MAS1: variants seen among roughly 807,000 people sequenced by gnomAD.
The protein encoded by MAS1 is proto-oncogene Mas.
For missense variants in MAS1, 387 were observed against 409.7 expected (o/e 0.94, Z 0.48); for synonymous variants, 163 against 164.2 (o/e 0.99, Z 0.05).
chr6:159,895,119 GC>G (rs1782740392), intron 1 of MAS1, among the ~76,000 whole-genome samples: 1 of 152,224 alleles, frequency 6.6e-6, no homozygotes, highest in African/African-American at 2.4e-5. Flanking sequence ...AGTCCTGACA[GC>G]CCCATGAATG....
chr6:159,894,440 G>A (rs1389857062), intron 1 of MAS1, among the ~76,000 whole-genome samples: 113 of 123,854 alleles, frequency 9.1e-4, no homozygotes, highest in African/African-American at 3.1e-3. Flanking sequence ...AAAAAAAAAA[G>A]AATGGAGCCT....
chr6:159,897,715 A>C (rs148905292), intron 1 of MAS1, among the ~76,000 whole-genome samples: 1 of 152,130 alleles, frequency 6.6e-6, no homozygotes, highest in Middle Eastern at 3.2e-3. Flanking sequence ...ACACTGTCAT[A>C]ATTTTCTCAC....
At chr6:159,895,668 G>T (rs1185602181) in intron 1 of MAS1, among the ~76,000 whole-genome samples, 1 of 152,036 alleles carries the variant, frequency 6.6e-6, no homozygotes, top group South Asian at 2.1e-4. Context: ...TTAAAACAAG[G>T]TATCTTTTAT....
Position 159,909,735 on chromosome 6 carries a change from C to T in MAS1, c.*1802C>T, listed in dbSNP as rs1257346148. ...TAGGGAAAGGGGGCCAACCTCGTCT[C>T]ATCTCTAAGGGGATCTTAGTCTCAA... On this transcript the variant is annotated 3_prime_UTR_variant, in exon 3 of 3. Coordinates refer to ENST00000674077, the MANE Select transcript of MAS1 (RefSeq NM_002377.4). 1 of 152,096 alleles carries T rather than the reference C, an allele frequency of 6.6e-6. No homozygotes were observed. Among genetic ancestry groups the T allele is most frequent in the Non-Finnish European group, 1.5e-5 (1 of 68,070 alleles). 9.4% of individuals were successfully genotyped at this position (152,096 alleles called of 1,614,324 possible).
At position 159,907,509 on chromosome 6, in the gene MAS1, G is replaced by A. The variant is rs141043165; in HGVS notation, c.554G>A (p.Arg185Gln). Residue 185 changes from arginine (R) to glutamine (Q), a missense_variant, in exon 3 of 3, where the codon CGA becomes CAA. By Grantham distance (43) the Arg-to-Gln change is conservative (BLOSUM62 1). Transcript: ENST00000674077. ...EEESHSRNDC[R>Q]AVIIFIAILS... ...GAGAGTCACTCTCGGAATGACTGCC[G>A]AGCAGTCATCATCTTTATAGCCATC... 2.8e-5 allele frequency: 45 copies of A among 1,613,688 alleles called. No individual in the cohort carries two copies. Among genetic ancestry groups the A allele is most frequent in the Non-Finnish European group, 3.2e-5 (38 of 1,179,778 alleles).
chr6:159,905,167 G>A (rs932704274), intron 2 of MAS1, among the ~76,000 whole-genome samples: 38 of 152,174 alleles, frequency 2.5e-4, no homozygotes, highest in Non-Finnish European at 3.1e-4. Flanking sequence ...CCACCAGGCC[G>A]GCACTTTGTT....
rs182243041 is a variant in MAS1 at position 159,912,218 on chromosome 6, C to T, written c.*4285C>T. ...TGACTGATGGAGATGGAGATGGGATCGTTGGCTGCCTTCATGGAGTTGTTT... is the reference window on the plus strand; with the variant it reads ...TGACTGATGGAGATGGAGATGGGATTGTTGGCTGCCTTCATGGAGTTGTTT... On this transcript the variant is annotated 3_prime_UTR_variant, in exon 3 of 3. Coordinates refer to ENST00000674077, the MANE Select transcript of MAS1 (RefSeq NM_002377.4). 6 of 152,372 alleles carry T rather than the reference C, an allele frequency of 3.9e-5. No individual in the cohort carries two copies. The East Asian group carries it at 7.7e-4, about 20-fold the overall frequency. The allele number at this position is 152,372 out of a possible 1,614,324, so 9.4% of individuals were successfully genotyped here.
At position 159,916,732 on chromosome 6, in the gene MAS1, G is replaced by C. The variant is rs9347361; in HGVS notation, c.*8799G>C. 0.071 allele frequency among the ~76,000 whole-genome samples: 10,821 copies of C among 152,282 alleles called. 397 individuals carry two copies. Among genetic ancestry groups the C allele is most frequent in the South Asian group, 0.096 (462 of 4,828 alleles). ...AACAACCCACCTCAAACCTGTATTT[G>C]CAAGTGAGTGCAGACTCCCCTGATT... is the stretch of plus-strand genomic sequence containing the variant. On this transcript the variant is annotated 3_prime_UTR_variant, in exon 3 of 3. Transcript: ENST00000674077.
intron 2 of MAS1, among the ~76,000 whole-genome samples, chr6:159,906,262 A>G (rs192941224): frequency 2.0e-5 from 3 of 152,328 alleles, no homozygotes; most frequent in Admixed American, 1.3e-4. Flanking sequence ...TCCAGTCCAC[A>G]CATCAATGGC....
At chr6:159,905,084 G>A (rs1027441858) in intron 2 of MAS1, among the ~76,000 whole-genome samples, 2 of 152,088 alleles carry the variant, frequency 1.3e-5, no homozygotes, top group African/African-American at 2.4e-5. Flanking sequence ...AACTGTTCAC[G>A]CACTGACATC....
chr6:159,898,198 C>G (rs220732), intron 1 of MAS1, among the ~76,000 whole-genome samples: 59,296 of 151,722 alleles, frequency 0.39, 12,390 homozygotes, highest in East Asian at 0.81. Context: ...AGCCTAAACA[C>G]GTCTTAATAA....
At chr6:159,892,022 T>C (rs1782704864) in intron 1 of MAS1, among the ~76,000 whole-genome samples, 1 of 152,128 alleles carries the variant, frequency 6.6e-6, no homozygotes, top group African/African-American at 2.4e-5. Context: ...ACCAAAAATA[T>C]CTTCAGGCAT....
At chr6:159,904,419 C>T (rs1782858640) in intron 2 of MAS1, among the ~76,000 whole-genome samples, 1 of 152,142 alleles carries the variant, frequency 6.6e-6, no homozygotes, top group Non-Finnish European at 1.5e-5. Flanking sequence ...ACCCGCTTCA[C>T]CTGCACCTGT....
At position 159,896,004 on chromosome 6, in the gene MAS1, G is replaced by A. The variant is rs1190752070; in HGVS notation, c.-243-3182G>A. Among the ~76,000 whole-genome samples the A allele has an allele frequency of 2.0e-5, 3 of 152,308 alleles. No homozygotes were observed. The East Asian group carries it at 5.8e-4, about 29-fold the overall frequency. On this transcript the variant is annotated intron_variant, in intron 1 of 2. Transcript: ENST00000674077. ...CAAATGGATATGTCCAAGGCTAGGG[G>A]ATTATTAAAAATGAATAATGAAAGC...
At chr6:159,901,750 A>G (rs2115114130) in intron 2 of MAS1, among the ~76,000 whole-genome samples, 1 of 152,082 alleles carries the variant, frequency 6.6e-6, no homozygotes, top group Admixed American at 6.5e-5. Flanking sequence ...GTGATTTGGG[A>G]GACTGAGGCA....
intron 1 of MAS1, among the ~76,000 whole-genome samples, chr6:159,896,422 A>T (rs950708430): frequency 6.6e-6 from 1 of 152,240 alleles, no homozygotes; most frequent in Non-Finnish European, 1.5e-5. Flanking sequence ...GAGTAAAAAA[A>T]GGTAGAAAGA....
chr6:159,890,857 C>T (rs994747909), upstream of MAS1, among the ~76,000 whole-genome samples: 53 of 152,204 alleles, frequency 3.5e-4, no homozygotes, highest in African/African-American at 9.9e-4. Context: ...GCTCACACCC[C>T]GCTCTGGATT....
rs1258956760 is a variant in MAS1 at position 159,915,000 on chromosome 6, C to T, written c.*7067C>T. On this transcript the variant is annotated 3_prime_UTR_variant, in exon 3 of 3. Coordinates refer to ENST00000674077, the MANE Select transcript of MAS1 (RefSeq NM_002377.4). ...AATTCTGTGGACCTAGGGGGTTTCT[C>T]AGCTTCTCCCCAAAGTTCTGGTGAA... 2 of 152,208 alleles carry T rather than the reference C, an allele frequency of 1.3e-5. No individual in the cohort carries two copies. The highest frequency in any genetic ancestry group is 2.9e-5 in the Non-Finnish European group (2 of 68,074). The allele number at this position is 152,208 out of a possible 1,614,324, so 9.4% of individuals were successfully genotyped here.
chr6:159,899,200 A>T lies in MAS1; in HGVS notation c.-229A>T, dbSNP rs531463652. 2.6e-5 allele frequency: 4 copies of T among 152,342 alleles called. No individual in the cohort carries two copies. Among genetic ancestry groups the T allele is most frequent in the African/African-American group, 9.6e-5 (4 of 41,574 alleles). The allele number at this position is 152,342 out of a possible 1,614,324, so 9.4% of individuals were successfully genotyped here. On this transcript the variant is annotated 5_prime_UTR_variant, in exon 2 of 3. It removes the in-frame stop codon of an upstream open reading frame in the 5' UTR. Transcript: ENST00000674077. ...TTTCTCCCTAGACATCTCTTTCGTG[A>T]GAAGAAAGAGAGGAGGGAAGATGCT...
Sources: allele counts gnomAD v4.1 joint callset (sites outside exome capture counted in the v4.1 genomes callset), GRCh38; gene constraint gnomAD v4.1.1; transcripts MANE v1.5; gene names NCBI Gene and HGNC (gene_info 2026-07-23, HGNC 2026-07-21).